Variants in APBA1 observed in about 807,000 individuals in gnomAD.
APBA1 encodes the protein amyloid beta precursor protein binding family A member 1.
APBA1 carries 55 observed loss-of-function variants against 86.6 expected under a neutral mutation model. The ratio of observed to expected loss-of-function variants is 0.64; its 90% CI spans 0.51 to 0.80. APBA1 has a LOEUF of 0.80. APBA1 is among the 30% of genes least tolerant of loss of function. The pLI, the probability that APBA1 is intolerant of heterozygous loss-of-function variation, is 0.00. For missense variants in APBA1, 1,090 were observed against 1,183.0 expected (o/e 0.92, Z 1.15); for synonymous variants, 511 against 493.9 (o/e 1.03, Z -0.46).
intron 8 of APBA1, among the ~76,000 whole-genome samples, chr9:69,455,071 C>T (rs556617562): frequency 7.2e-5 from 11 of 152,182 alleles, no homozygotes; most frequent in African/African-American, 2.4e-4. Context: ...TCTGGTTCCC[C>T]GGAGAAAAAA....
At chr9:69,539,624 T>C (rs1836572009) in intron 1 of APBA1, among the ~76,000 whole-genome samples, 1 of 152,174 alleles carries the variant, frequency 6.6e-6, no homozygotes, top group African/African-American at 2.4e-5. Flanking sequence ...TTGAATGATT[T>C]CTCATCTCAC....
chr9:69,636,824 A>AGGGAGG (rs1564098769), intron 1 of APBA1, among the ~76,000 whole-genome samples: 2 of 40,634 alleles, frequency 4.9e-5, no homozygotes, highest in Non-Finnish European at 1.0e-4. Context: ...AGAGAGAGAG[A>AGGGAGG]GAGAGAGGGA....
chr9:69,658,256 C>CTT (rs1290798958), intron 1 of APBA1, among the ~76,000 whole-genome samples: 1 of 24,242 alleles, frequency 4.1e-5, no homozygotes, highest in Non-Finnish European at 1.9e-4. Context: ...TTCTTTCTTT[C>CTT]TTTCTTTCTT....
chr9:69,497,209 G>A (rs1289724825), intron 2 of APBA1, among the ~76,000 whole-genome samples: 1 of 151,716 alleles, frequency 6.6e-6, no homozygotes. Context: ...GATAACACCT[G>A]CGATGGAAAA....
In APBA1 at chr9:69,523,497, GTATATA is replaced by G. The variant is rs869242999; in HGVS notation, c.-69-6224_-69-6219del. Reference sequence around the variant, plus strand: ...TATATGTATATATATATATATATATGTATATATATATATATATATATATATATATAT... The same window carrying G: ...TATATGTATATATATATATATATATGTATATATATATATATATATATATAT... On this transcript the variant is annotated intron_variant, in intron 1 of 12. Transcript: ENST00000265381. 4.0e-3 allele frequency among the ~76,000 whole-genome samples: 125 copies of G among 30,880 alleles called. 1 individual carries two copies. Among genetic ancestry groups the G allele is most frequent in the African/African-American group, 9.3e-3 (101 of 10,856 alleles). 20.3% of individuals were successfully genotyped at this position (30,880 alleles called of 152,430 possible).
intron 1 of APBA1, among the ~76,000 whole-genome samples, chr9:69,542,037 AT>A (rs1410341590): frequency 2.6e-5 from 4 of 152,128 alleles, no homozygotes; most frequent in African/African-American, 7.2e-5. Flanking sequence ...TAGTTTAAAA[AT>A]ATATCTATTT....
intron 2 of APBA1, among the ~76,000 whole-genome samples, chr9:69,483,525 T>A (rs1835557475): frequency 6.6e-6 from 1 of 151,890 alleles, no homozygotes; most frequent in Non-Finnish European, 1.5e-5. Flanking sequence ...GAGCATAGTG[T>A]GAAACAAACA....
chr9:69,437,167 G>T lies in APBA1; in HGVS notation c.2301+3829C>A, dbSNP rs1011257881. 9.9e-5 allele frequency among the ~76,000 whole-genome samples: 15 copies of T among 151,914 alleles called. 1 individual carries two copies. The highest frequency in any genetic ancestry group is 3.6e-4 in the African/African-American group (15 of 41,250). ...GGATAAGCTTTTTGATGTGTTGCTG[G>T]ATTCAGTTTGCCAGTATTTTATTGA... On this transcript the variant is annotated intron_variant, in intron 11 of 12. Coordinates refer to ENST00000265381, the MANE Select transcript of APBA1 (RefSeq NM_001163.4).
intron 1 of APBA1, among the ~76,000 whole-genome samples, chr9:69,520,559 T>C (rs1442253928): frequency 6.6e-6 from 1 of 152,212 alleles, no homozygotes; most frequent in African/African-American, 2.4e-5. Context: ...ATTAGGGTTA[T>C]ATTGTGATCA....
chr9:69,489,917 C>T (rs1002858545), intron 2 of APBA1, among the ~76,000 whole-genome samples: 8 of 152,122 alleles, frequency 5.3e-5, no homozygotes, highest in Non-Finnish European at 8.8e-5. Flanking sequence ...GTCAGTGTGG[C>T]GATTCCTCAG....
At position 69,606,866 on chromosome 9, in the gene APBA1, A is replaced by G. The variant is rs866354922; in HGVS notation, c.-70+65287T>C. ...TTCTCAGGCCATGCTGCTTCCTAAA[A>G]GAAGTGACACATGGCAATAAGAGGG... On this transcript the variant is annotated intron_variant, in intron 1 of 12. Transcript: ENST00000265381. 4.3e-4 allele frequency among the ~76,000 whole-genome samples: 65 copies of G among 152,292 alleles called. 1 individual carries two copies. The highest frequency in any genetic ancestry group is 1.5e-3 in the African/African-American group (63 of 41,570).
rs1323458563 is a variant in APBA1, at chr9:69,427,602, A to AAGAT, written c.*3721_*3724dup. The AAGAT allele has an allele frequency of 1.7e-4, 26 of 152,238 alleles. No individual in the cohort carries two copies. The East Asian group carries it at 3.7e-3, about 21-fold the overall frequency. 9.4% of individuals were successfully genotyped at this position (152,238 alleles called of 1,614,324 possible). ...ACATTAGCGTTCAGTTAAATAAAGG[A>AAGAT]AGATAGATAGCACAGTAAATACATC... On this transcript the variant is annotated 3_prime_UTR_variant, in exon 13 of 13. Coordinates refer to ENST00000265381, the MANE Select transcript of APBA1 (RefSeq NM_001163.4).
At chr9:69,503,049 C>A (rs1008983042) in intron 2 of APBA1, among the ~76,000 whole-genome samples, 5 of 152,062 alleles carry the variant, frequency 3.3e-5, no homozygotes, top group African/African-American at 1.2e-4. Context: ...ACAAACACCG[C>A]AGGAAATTAA....
chr9:69,432,314 G>C (rs969986204), intron 12 of APBA1, among the ~76,000 whole-genome samples: 1 of 152,230 alleles, frequency 6.6e-6, no homozygotes, highest in African/African-American at 2.4e-5. Flanking sequence ...TGAAAGAGAA[G>C]GCTGAGGGTG....
chr9:69,540,122 G>GCAACAACAA (rs56405500), intron 1 of APBA1, among the ~76,000 whole-genome samples: 21,370 of 148,384 alleles, frequency 0.14, 1,757 homozygotes, highest in East Asian at 0.31. Flanking sequence ...CTCCATCTCG[G>GCAACAACAA]CAACAACAAC....
At chr9:69,484,016 T>G (rs908204458) in intron 2 of APBA1, among the ~76,000 whole-genome samples, 3 of 152,102 alleles carry the variant, frequency 2.0e-5, no homozygotes, top group Non-Finnish European at 4.4e-5. Context: ...GAAGAGCTTC[T>G]TTGGATATGT....
intron 1 of APBA1, among the ~76,000 whole-genome samples, chr9:69,662,878 A>C (rs1472598693): frequency 6.6e-6 from 1 of 152,154 alleles, no homozygotes; most frequent in South Asian, 2.1e-4. Flanking sequence ...TTCTTACTCC[A>C]CTTTCCCTTT....
intron 1 of APBA1, among the ~76,000 whole-genome samples, chr9:69,613,319 T>G (rs891523364): frequency 2.0e-5 from 3 of 152,200 alleles, no homozygotes; most frequent in South Asian, 4.1e-4. Context: ...AAGCTGCAAC[T>G]TATTCCTGTT....
rs764232135 is a variant in APBA1 at position 69,517,117 on chromosome 9, G to T, written c.94C>A (p.Pro32Thr). Residue 32 changes from proline (P) to threonine (T), a missense_variant, in exon 2 of 13, where the codon CCC (proline) becomes ACC (threonine). This residue lies in a region of APBA1 where 678 missense variants were observed against 647.1 expected (regional missense o/e 1.05). Coordinates refer to ENST00000265381, the MANE Select transcript of APBA1 (RefSeq NM_001163.4). ...TGCTGCTGTTCCTCTTCCACCTCGG[G>T]GTGCTCCAGGTCGGCCTCCACCGAC... is the stretch of plus-strand genomic sequence containing the variant. ...NESVEADLEH[P>T]EVEEEQQQPP... The T allele has an allele frequency of 1.3e-6, 2 of 1,573,546 alleles. 1 individual carries two copies. Among genetic ancestry groups the T allele is most frequent in the South Asian group, 2.3e-5 (2 of 86,336 alleles).
Sources: allele counts gnomAD v4.1 joint callset (sites outside exome capture counted in the v4.1 genomes callset), GRCh38; gene constraint gnomAD v4.1.1; regional missense constraint gnomAD v4.1.1; transcripts MANE v1.5; gene names NCBI Gene and HGNC (gene_info 2026-07-23, HGNC 2026-07-21).